PCDHA5: variants seen among roughly 807,000 people sequenced by gnomAD.
The protein encoded by PCDHA5 is protocadherin alpha 5.
PCDHA5 carries 43 observed loss-of-function variants against 61.6 expected under a neutral mutation model. The observed-to-expected ratio is 0.70, with a 90% CI of 0.55 to 0.90. The LOEUF is 0.90. Among genes scored for constraint, PCDHA5 ranks in the 40% least tolerant of loss-of-function variants. PCDHA5 has a pLI of 0.00. For synonymous variants in PCDHA5, 627 were observed against 543.9 expected, an observed-to-expected ratio of 1.15 and a Z score of -2.13; for missense variants, 1,298 against 1,222.7, an observed-to-expected ratio of 1.06 and a Z score of -0.92.
intron 1 of PCDHA5, chr5:140,836,608 C>G (rs2150265408): frequency 1.9e-6 from 3 of 1,613,518 alleles, no homozygotes; most frequent in Admixed American, 3.3e-5. Flanking sequence ...CTGGTGTGCT[C>G]CAGCGCGGTG....
chr5:140,966,691 G>A, intron 1 of PCDHA5: 3 of 1,349,440 alleles, frequency 2.2e-6, no homozygotes, highest in Non-Finnish European at 1.9e-6. Context: ...GCGGAGGCGG[G>A]GCCCGGGCGT....
At chr5:140,870,554 A>C (rs1554164402) in intron 1 of PCDHA5, 1 of 1,614,044 alleles carries the variant, frequency 6.2e-7, no homozygotes, top group African/African-American at 1.3e-5. Context: ...GCGGACGCGC[A>C]GGAGAACGCG....
intron 1 of PCDHA5, among the ~76,000 whole-genome samples, chr5:140,833,329 T>C (rs1234770321): frequency 2.6e-5 from 4 of 152,266 alleles, no homozygotes; most frequent in South Asian, 2.1e-4. Flanking sequence ...ATTGGGAACA[T>C]TGGAGTGAAA....
Position 140,843,346 on chromosome 5 carries a change from TC to T in PCDHA5, c.2352+19221del, listed in dbSNP as rs1554139985. 10 of 1,595,966 alleles carry T rather than the reference TC, an allele frequency of 6.3e-6. 1 individual carries two copies. In the Middle Eastern group the frequency reaches 5.0e-4, roughly 80 times the overall value. On this transcript the variant is annotated intron_variant, in intron 1 of 3. Coordinates refer to ENST00000529859, the MANE Select transcript of PCDHA5 (RefSeq NM_018908.3). ...TGTCGCTGGTGGAGAGCGGCCAGGC[TC>T]CAAAAGCGTCATCGAGGCAGTCGGC... is the stretch of plus-strand genomic sequence containing the variant.
chr5:140,823,958 A>T lies in PCDHA5; in HGVS notation c.2183A>T (p.Glu728Val). The change falls in exon 1 of 4, where the codon GAG becomes GTG. Residue 728 changes from glutamate to valine, a missense_variant. Glu to Val is a moderately radical substitution (Grantham distance 121). Coordinates refer to ENST00000529859, the MANE Select transcript of PCDHA5 (RefSeq NM_018908.3). ...TALRCSAQPTEAVCTRGKPTL... is the reference protein window; with the variant it reads ...TALRCSAQPTVAVCTRGKPTL... ...CTGCGGTGCTCGGCGCAGCCCACCG[A>T]GGCCGTGTGCACACGGGGCAAGCCC... is the stretch of plus-strand genomic sequence containing the variant. 6.2e-7 allele frequency: 1 copy of T among 1,614,016 alleles called. No individual in the cohort carries two copies. Among genetic ancestry groups the T allele is most frequent in the Non-Finnish European group, 8.5e-7 (1 of 1,179,988 alleles).
intron 1 of PCDHA5, among the ~76,000 whole-genome samples, chr5:140,912,600 T>C (rs2075993093): frequency 6.6e-6 from 1 of 152,156 alleles, no homozygotes; most frequent in African/African-American, 2.4e-5. Context: ...CTTTATTTCT[T>C]CCTCTTGTCT....
chr5:140,957,513 T>C (rs76093065), intron 1 of PCDHA5, among the ~76,000 whole-genome samples: 3,563 of 152,232 alleles, frequency 0.023, 49 homozygotes, highest in Middle Eastern at 0.034. Flanking sequence ...TTATCCTTGG[T>C]TTCAGACATT....
intron 1 of PCDHA5, chr5:140,830,251 G>T (rs1554132671): frequency 1.2e-6 from 2 of 1,613,772 alleles, no homozygotes; most frequent in Admixed American, 1.7e-5. Flanking sequence ...TGTACACAGC[G>T]CTGCGGTGCT....
chr5:140,853,383 A>G lies in PCDHA5; in HGVS notation c.2352+29256A>G, dbSNP rs896759512. ...GGATCCAGAGATGGTAAAATTCAAA[A>G]CAGCCTGTCAAGTTCAAAACAGAGA... On this transcript the variant is annotated intron_variant, in intron 1 of 3. Transcript: ENST00000529859. The G allele has an allele frequency of 5.1e-6, 5 of 985,712 alleles. No individual in the cohort carries two copies. In the South Asian group the frequency reaches 2.4e-4, roughly 47 times the overall value. The allele number at this position is 985,712 out of a possible 1,614,324, so 61.1% of individuals were successfully genotyped here. A position where few individuals can be genotyped will look rare whatever the true frequency, so the allele number is the denominator to read the frequency against.
At position 140,843,240 on chromosome 5, in the gene PCDHA5, C is replaced by G. The variant is rs2150355693; in HGVS notation, c.2352+19113C>G. On this transcript the variant is annotated intron_variant, in intron 1 of 3. Coordinates refer to ENST00000529859, the MANE Select transcript of PCDHA5 (RefSeq NM_018908.3). ...AGCACCACTCGTGTCCTGGACGAAG[C>G]GGACTCTCCGCGCCACCGTCTGCTG... The G allele has an allele frequency of 4.4e-6, 7 of 1,595,828 alleles. 1 individual carries two copies. Among genetic ancestry groups the G allele is most frequent in the Non-Finnish European group, 6.0e-6 (7 of 1,165,542 alleles).
At chr5:140,866,847 A>T (rs1485743697) in intron 1 of PCDHA5, 1 of 152,136 alleles carries the variant, frequency 6.6e-6, no homozygotes, top group African/African-American at 2.4e-5. Context: ...ATCAGTTAAC[A>T]ATAACTGTAT....
intron 1 of PCDHA5, chr5:140,869,246 T>C (rs782232383): frequency 1.2e-6 from 2 of 1,613,640 alleles, no homozygotes. Flanking sequence ...GTGGGCCGCA[T>C]CGCGCAGGAC....
rs546551059 is a variant in PCDHA5, at chr5:140,918,074, G to A, written c.2353-60875G>A. Among the ~76,000 whole-genome samples, 10 of 152,214 alleles carry A rather than the reference G, an allele frequency of 6.6e-5. No individual in the cohort carries two copies. The East Asian group carries it at 1.9e-3, about 29-fold the overall frequency. On this transcript the variant is annotated intron_variant, in intron 1 of 3. Transcript: ENST00000529859. ...TTATCATCTCTGATTTCTTTCAGTA[G>A]TGTTTTATAATTCTTTTTATAGAGA...
At chr5:140,999,973 C>A (rs1370727292) in intron 3 of PCDHA5, among the ~76,000 whole-genome samples, 2 of 152,082 alleles carry the variant, frequency 1.3e-5, no homozygotes, top group African/African-American at 4.8e-5. Context: ...AGTAGCAGCT[C>A]TAGCGGCCTC....
At chr5:140,942,109 A>G (rs534603504) in intron 1 of PCDHA5, among the ~76,000 whole-genome samples, 55 of 152,334 alleles carry the variant, frequency 3.6e-4, no homozygotes, top group African/African-American at 1.3e-3. Flanking sequence ...CATATAATCA[A>G]ACTTTATTAA....
At chr5:140,870,001 G>A (rs782788057) in intron 1 of PCDHA5, 1 of 1,613,566 alleles carries the variant, frequency 6.2e-7, no homozygotes, top group Non-Finnish European at 8.5e-7. Flanking sequence ...AAATAATGGA[G>A]AAGTGAGGGT....
At chr5:140,910,197 T>C (rs1318749477) in intron 1 of PCDHA5, among the ~76,000 whole-genome samples, 1 of 152,202 alleles carries the variant, frequency 6.6e-6, no homozygotes, top group African/African-American at 2.4e-5. Context: ...TAGTCTTTTG[T>C]CCACTTGACC....
chr5:140,825,948 C>A (rs1289779373), intron 1 of PCDHA5: 2 of 152,214 alleles, frequency 1.3e-5, no homozygotes, highest in Non-Finnish European at 2.9e-5. Context: ...TAATGAGAAC[C>A]ATTTGTCTAC....
chr5:140,853,402 A>C, intron 1 of PCDHA5: 1 of 986,360 alleles, frequency 1.0e-6, no homozygotes, highest in Non-Finnish European at 1.2e-6. Context: ...CAAGTTCAAA[A>C]CAGAGAGGTG....
Sources: allele counts gnomAD v4.1 joint callset (sites outside exome capture counted in the v4.1 genomes callset), GRCh38; gene constraint gnomAD v4.1.1; transcripts MANE v1.5; gene names NCBI Gene and HGNC (gene_info 2026-07-23, HGNC 2026-07-21).